TNK2: variants seen among roughly 807,000 people sequenced by gnomAD.
TNK2 encodes activated CDC42 kinase 1.
Under a neutral mutation model 101.8 loss-of-function variants are expected in TNK2, and 83 were observed. The observed-to-expected ratio is 0.82, with a 90% confidence interval of 0.68 to 0.98. The LOEUF (loss-of-function observed/expected upper bound fraction) is 0.98, where lower values mean the gene tolerates loss of function less well. Among genes scored for constraint, TNK2 ranks in the 50% least tolerant of loss-of-function variants. The probability of loss-of-function intolerance (pLI) is 0.00; values close to 1 mark genes in which losing one functional copy is unlikely to be tolerated. For synonymous variants in TNK2, 804 were observed against 633.0 expected, an observed-to-expected ratio of 1.27 and a Z score of -4.06; for missense variants, 1,665 against 1,483.2, an observed-to-expected ratio of 1.12 and a Z score of -2.01.
chr3:195,883,424 T>A, intron 4 of TNK2, 115 bp from the exon 5 acceptor site: 4 of 1,295,580 alleles, frequency 3.1e-6, no homozygotes, highest in Non-Finnish European at 3.2e-6. Context: ...GCTCCTCATC[T>A]GGGTGGGTAA....
chr3:195,878,671 C>T lies in TNK2; in HGVS notation c.1015-79G>A. On this transcript the variant is annotated intron_variant, in intron 7 of 15. Coordinates refer to ENST00000672887, the MANE Select transcript of TNK2 (RefSeq NM_001382273.1). The surrounding 1 kb of genome is among the most constrained non-coding windows in gnomAD (Gnocchi z 4.7). ...CTTCCCGCCTTCCCTCCAGCCCATCCACAGCTGCAGCGGCTGCTGCCATGC... is the reference window on the plus strand; with the variant it reads ...CTTCCCGCCTTCCCTCCAGCCCATCTACAGCTGCAGCGGCTGCTGCCATGC... 2.6e-6 allele frequency: 4 copies of T among 1,546,364 alleles called. No homozygotes were observed. Among genetic ancestry groups the T allele is most frequent in the Non-Finnish European group, 3.5e-6 (4 of 1,145,962 alleles).
intron 2 of TNK2, among the ~76,000 whole-genome samples, chr3:195,887,791 A>G (rs1230255944): frequency 7.2e-6 from 1 of 139,066 alleles, no homozygotes; most frequent in East Asian, 2.0e-4. Flanking sequence ...GCGTGTGTGT[A>G]CATGTGTGTA....
At chr3:195,868,769 G>A (rs1164629602) in intron 12 of TNK2, 60 bp from the exon 13 acceptor site, 6 of 1,476,544 alleles carry the variant, frequency 4.1e-6, no homozygotes, top group East Asian at 2.5e-5. Context: ...GGACACGAGG[G>A]GAGGTGGCAC....
At position 195,867,615 on chromosome 3, in the gene TNK2, G is replaced by A. The variant is rs1292332735; in HGVS notation, c.2683C>T (p.Gln895Ter). Reference sequence around the variant, plus strand: ...AGGGGGGTAGGCTCCTCGGGGCTCTGGGCCTCACGCAGGAAGCGCTGGTAG... The same window carrying A: ...AGGGGGGTAGGCTCCTCGGGGCTCTAGGCCTCACGCAGGAAGCGCTGGTAG... ...ERYQRFLREA[Q>*]SPEEPTPLPV... is the part of the protein sequence containing the mutation. Residue 895 changes from glutamine to a stop codon, truncating the protein, a stop_gained, in exon 13 of 16, where the codon CAG becomes TAG. Transcript: ENST00000672887. LOFTEE classifies it high-confidence loss of function. 2 of 1,598,296 alleles carry A rather than the reference G, an allele frequency of 1.3e-6. No individual in the cohort carries two copies. The highest frequency in any genetic ancestry group is 1.7e-6 in the Non-Finnish European group (2 of 1,179,136).
chr3:195,895,367 G>T, intron 1 of TNK2: 1 of 1,553,954 alleles, frequency 6.4e-7, no homozygotes, highest in Non-Finnish European at 8.7e-7. Flanking sequence ...CCCCGCAGCG[G>T]CACCGGCAGC....
rs56260729 is a variant in TNK2, at chr3:195,868,079, G to C, written c.2219C>G (p.Pro740Arg). The change falls in exon 13 of 16, where the codon CCG becomes CGG. Residue 740 changes from proline to arginine, a missense_variant. By Grantham distance (103) the Pro-to-Arg change is moderately radical. Coordinates refer to ENST00000672887, the MANE Select transcript of TNK2 (RefSeq NM_001382273.1). ...ACCCCCCGGGCTGGGAGAGGGGGCC[G>C]GGGAGCCGGCCGGAGCCTGCAGTTG... The part of the protein sequence containing the change: ...MRQLQAPAGS[P>R]APSPSPGGDD... 6.2e-7 allele frequency: 1 copy of C among 1,607,506 alleles called. No individual in the cohort carries two copies. The highest frequency in any genetic ancestry group is 1.3e-5 in the African/African-American group (1 of 74,934).
chr3:195,895,278 G>A (rs1445050083), intron 1 of TNK2: 3 of 1,566,078 alleles, frequency 1.9e-6, no homozygotes, highest in South Asian at 2.3e-5. Context: ...GCCAGGCGCT[G>A]GTAAGCAGAT....
chr3:195,901,612 TG>T (rs1761216772), intron 1 of TNK2, among the ~76,000 whole-genome samples: 1 of 152,172 alleles, frequency 6.6e-6, no homozygotes, highest in Non-Finnish European at 1.5e-5. Context: ...CACCCGATGC[TG>T]GTTTCTGGGA....
chr3:195,866,102 T>C (rs1740670164), intron 15 of TNK2, among the ~76,000 whole-genome samples: 1 of 152,230 alleles, frequency 6.6e-6, no homozygotes, highest in Non-Finnish European at 1.5e-5. Flanking sequence ...TTACATAATA[T>C]ATAAAGTGTG....
intron 1 of TNK2, among the ~76,000 whole-genome samples, chr3:195,897,830 C>A (rs1262704027): frequency 1.3e-4 from 15 of 118,364 alleles, no homozygotes; most frequent in African/African-American, 4.4e-4. Context: ...CCCCCCCCCA[C>A]CCCCCGCCCC....
In TNK2 at chr3:195,884,993, T is replaced by C; in HGVS notation, c.275A>G (p.His92Arg). ...CTTCCGGAAGGTGCTCTGAGAGTGA[T>C]GAGGTGGGAACTCAGCCTCCAGTCG... Reference protein sequence around the residue: ...GKRLEAEFPPHHSQSTFRKTS... With the variant: ...GKRLEAEFPPRHSQSTFRKTS... Residue 92 changes from histidine (H) to arginine (R), a missense_variant, in exon 4 of 16, where the codon CAT (histidine) becomes CGT (arginine). This residue lies in a region of TNK2 where 490 missense variants were observed against 522.5 expected (regional missense o/e 0.94). Transcript: ENST00000672887. 1.2e-6 allele frequency: 2 copies of C among 1,612,284 alleles called. No individual in the cohort carries two copies. The highest frequency in any genetic ancestry group is 2.2e-5 in the East Asian group (1 of 44,828).
rs1560542290 is a variant in TNK2, at chr3:195,896,123, C to CG, written c.-18-7518dup. On this transcript the variant is annotated intron_variant, in intron 1 of 15. Transcript: ENST00000672887. ...AAAAGCCGCCCAACACAGGCCCACG[C>CG]GGGGGTGCCGCGCCCAGCACTGGCG... 4 of 455,562 alleles carry CG rather than the reference C, an allele frequency of 8.8e-6. No individual in the cohort carries two copies. In the Admixed American group the frequency reaches 9.4e-5, roughly 11 times the overall value. 28.2% of individuals were successfully genotyped at this position (455,562 alleles called of 1,614,324 possible). A position where few individuals can be genotyped will look rare whatever the true frequency, so the allele number is the denominator to read the frequency against.
At chr3:195,899,125 G>A (rs1005586065) in intron 1 of TNK2, among the ~76,000 whole-genome samples, 3 of 152,092 alleles carry the variant, frequency 2.0e-5, no homozygotes, top group Middle Eastern at 3.2e-3. Flanking sequence ...TAATTTTAAT[G>A]TCTGAGCTAT....
chr3:195,868,089 C>T lies in TNK2; in HGVS notation c.2209G>A (p.Ala737Thr), dbSNP rs1742162832. 6.2e-7 allele frequency: 1 copy of T among 1,610,012 alleles called. No individual in the cohort carries two copies. The highest frequency in any genetic ancestry group is 8.5e-7 in the Non-Finnish European group (1 of 1,179,068). The change falls in exon 13 of 16, where the codon GCC becomes ACC. Residue 737 changes from alanine (A) to threonine (T), a missense_variant. Ala to Thr is a moderately conservative substitution (Grantham distance 58). Transcript: ENST00000672887. The stretch of plus-strand genomic sequence containing the variant: ...CTGGGAGAGGGGGCCGGGGAGCCGG[C>T]CGGAGCCTGCAGTTGCCTCATGCAC... ...QECMRQLQAPAGSPAPSPSPG... is the reference protein window; with the variant it reads ...QECMRQLQAPTGSPAPSPSPG...
At position 195,885,114 on chromosome 3, in the gene TNK2, G is replaced by A; in HGVS notation, c.235-81C>T. ...CAGTCCCACCCCGCTGGGTCCACCT[G>A]GTGATCCCCGGCTTCGGCTTCCAGA... On this transcript the variant is annotated intron_variant, in intron 3 of 15. Transcript: ENST00000672887. This position sits in a 1 kb window ranked among gnomAD's most constrained non-coding sequence, Gnocchi z 4.7. The A allele has an allele frequency of 1.4e-6, 2 of 1,382,748 alleles. No individual in the cohort carries two copies. Among genetic ancestry groups the A allele is most frequent in the South Asian group, 2.9e-5 (2 of 69,618 alleles). The allele number at this position is 1,382,748 out of a possible 1,614,324, so 85.7% of individuals were successfully genotyped here.
chr3:195,869,385 A>C, intron 12 of TNK2, 112 bp downstream of exon 12: 20 of 892,862 alleles, frequency 2.2e-5, no homozygotes, highest in East Asian at 2.8e-5. Flanking sequence ...CACAGCACAC[A>C]CCCACCCACC....
intron 9 of TNK2, among the ~76,000 whole-genome samples, chr3:195,874,508 C>A (rs1477471269): frequency 6.6e-6 from 1 of 151,180 alleles, no homozygotes; most frequent in Non-Finnish European, 1.5e-5. Flanking sequence ...GGATGGCGCC[C>A]ACGCACACTC....
At chr3:195,865,017 G>A (rs1475924483) in intron 15 of TNK2, among the ~76,000 whole-genome samples, 1 of 128,556 alleles carries the variant, frequency 7.8e-6, no homozygotes, top group African/African-American at 3.0e-5. Flanking sequence ...GAGTGCCTGC[G>A]TCCCGGGTGC....
intron 1 of TNK2, among the ~76,000 whole-genome samples, chr3:195,899,088 C>T (rs1165310942): frequency 2.6e-5 from 4 of 152,112 alleles, no homozygotes; most frequent in South Asian, 2.1e-4. Flanking sequence ...AGAGAGACTC[C>T]GTCTCAATAA....
Sources: allele counts gnomAD v4.1 joint callset (sites outside exome capture counted in the v4.1 genomes callset), GRCh38; gene constraint gnomAD v4.1.1; regional missense constraint gnomAD v4.1.1; non-coding constraint Gnocchi (gnomAD v3.1); transcripts MANE v1.5; gene names NCBI Gene and HGNC (gene_info 2026-07-23, HGNC 2026-07-21).